The following ANGPT4 variants were observed in gnomAD, a reference collection of about 807,000 sequenced individuals.
ANGPT4 encodes angiopoietin 4.
A neutral mutation model predicts 53.0 loss-of-function variants in ANGPT4; 50 were observed. That is an observed-to-expected ratio of 0.94 (90% CI 0.75 to 1.20). ANGPT4 has a LOEUF of 1.20. Ranked by LOEUF, ANGPT4 falls within the 50% of genes most tolerant of loss-of-function variation. The probability of loss-of-function intolerance (pLI) is 0.00; values close to 1 mark genes in which losing one functional copy is unlikely to be tolerated. For missense variants in ANGPT4, 648 were observed against 637.1 expected, an observed-to-expected ratio of 1.02 and a Z score of -0.18; for synonymous variants, 251 against 259.7, an observed-to-expected ratio of 0.97 and a Z score of 0.32.
intron 1 of ANGPT4, among the ~76,000 whole-genome samples, chr20:913,594 A>T (rs1329327135): frequency 6.6e-6 from 1 of 152,204 alleles, no homozygotes; most frequent in Non-Finnish European, 1.5e-5. Flanking sequence ...CTGATCCTGC[A>T]AGCCATCAGT....
chr20:903,581 G>A (rs1982367546), intron 1 of ANGPT4, among the ~76,000 whole-genome samples: 1 of 152,192 alleles, frequency 6.6e-6, no homozygotes, highest in Non-Finnish European at 1.5e-5. Context: ...GGTCCCGTGT[G>A]GCTTAGAGAG....
At chr20:907,659 C>A (rs558762770) in intron 1 of ANGPT4, among the ~76,000 whole-genome samples, 12 of 152,316 alleles carry the variant, frequency 7.9e-5, no homozygotes, top group African/African-American at 2.6e-4. Context: ...AGACGAGGCA[C>A]AGAGAGGTTA....
chr20:890,089 G>A (rs1467256815), intron 2 of ANGPT4, 124 bp downstream of exon 2: 4 of 1,199,248 alleles, frequency 3.3e-6, no homozygotes, highest in East Asian at 2.5e-5. Flanking sequence ...GGACCCGGGG[G>A]GCTACAGGCC....
At chr20:905,319 C>T (rs529403766) in intron 1 of ANGPT4, among the ~76,000 whole-genome samples, 1 of 152,342 alleles carries the variant, frequency 6.6e-6, no homozygotes, top group Non-Finnish European at 1.5e-5. Flanking sequence ...AGCACATCCT[C>T]TATGCCTAGA....
chr20:900,639 TA>T (rs1372292061), intron 1 of ANGPT4, among the ~76,000 whole-genome samples: 1 of 152,124 alleles, frequency 6.6e-6, no homozygotes, highest in Non-Finnish European at 1.5e-5. Flanking sequence ...ATTATTAATA[TA>T]AAAAGACAGG....
intron 1 of ANGPT4, among the ~76,000 whole-genome samples, chr20:906,182 T>C (rs1982473410): frequency 1.3e-5 from 2 of 152,198 alleles, no homozygotes; most frequent in South Asian, 4.1e-4. Flanking sequence ...GCATTGTGTC[T>C]TCTGTCTTGC....
In ANGPT4 at chr20:879,770, G is replaced by T; in HGVS notation, c.1030C>A (p.Arg344=). The change falls in exon 6 of 9, where the codon CGG becomes AGG. Residue 344 remains arginine (R), a synonymous_variant. Transcript: ENST00000381922. The part of the protein sequence containing the change: ...RRENGTVNFQ[R]NWKDYKQGFG... The stretch of plus-strand genomic sequence containing the variant: ...ACCTGTTTGTAATCCTTCCAGTTCC[G>T]CTGAAAATTCACGGTGCCATTCTCA... 6.2e-7 allele frequency: 1 copy of T among 1,613,358 alleles called. No homozygotes were observed. The highest frequency in any genetic ancestry group is 8.5e-7 in the Non-Finnish European group (1 of 1,179,624).
rs1261518943 is a variant in ANGPT4 at position 871,917 on chromosome 20, T to C, written c.*1043A>G. On this transcript the variant is annotated 3_prime_UTR_variant, in exon 9 of 9. Coordinates refer to ENST00000381922, the MANE Select transcript of ANGPT4 (RefSeq NM_015985.4). Reference sequence around the variant, plus strand: ...TTTAGAGGTTGTTTGAGGCTGTCACTGTGGCCCTTGTAGCCAAAAAGGGTG... The same window carrying C: ...TTTAGAGGTTGTTTGAGGCTGTCACCGTGGCCCTTGTAGCCAAAAAGGGTG... 1 of 152,210 alleles carries C rather than the reference T, an allele frequency of 6.6e-6. No homozygotes were observed. Among genetic ancestry groups the C allele is most frequent in the Non-Finnish European group, 1.5e-5 (1 of 68,082 alleles). The allele number at this position is 152,210 out of a possible 1,614,324, so 9.4% of individuals were successfully genotyped here.
chr20:911,356 G>T lies in ANGPT4; in HGVS notation c.309+4550C>A, dbSNP rs972008006. ...CCTGACCCCTCTCTGCTTGGCTTTGGGTGCAGAGGAGGAAGAGAAAGAGGC... is the reference window on the plus strand; with the variant it reads ...CCTGACCCCTCTCTGCTTGGCTTTGTGTGCAGAGGAGGAAGAGAAAGAGGC... On this transcript the variant is annotated intron_variant, in intron 1 of 8. Transcript: ENST00000381922. The surrounding 1 kb of genome is among the most constrained non-coding windows in gnomAD (Gnocchi z 4.9). 2.0e-5 allele frequency among the ~76,000 whole-genome samples: 3 copies of T among 152,204 alleles called. No individual in the cohort carries two copies. The highest frequency in any genetic ancestry group is 7.2e-5 in the African/African-American group (3 of 41,464).
chr20:900,355 C>T (rs533452897), intron 1 of ANGPT4, among the ~76,000 whole-genome samples: 25 of 152,322 alleles, frequency 1.6e-4, no homozygotes, highest in Non-Finnish European at 1.8e-4. Flanking sequence ...CAACCTCTGA[C>T]GGCTGCCACC....
chr20:878,097 G>A (rs1197026905), intron 7 of ANGPT4, 64 bp downstream of exon 7: 7 of 1,522,458 alleles, frequency 4.6e-6, no homozygotes, highest in Non-Finnish European at 2.7e-6. Context: ...ACTAGCCTGG[G>A]GACCCCAGCC....
At position 912,276 on chromosome 20, in the gene ANGPT4, C is replaced by T. The variant is rs1185060367; in HGVS notation, c.309+3630G>A. On this transcript the variant is annotated intron_variant, in intron 1 of 8. Coordinates refer to ENST00000381922, the MANE Select transcript of ANGPT4 (RefSeq NM_015985.4). ...GTGTGCAGAGGCTTTCTCTGCTCTGCTTCTCTTGACCCCACATCAAAGGTC... is the reference window on the plus strand; with the variant it reads ...GTGTGCAGAGGCTTTCTCTGCTCTGTTTCTCTTGACCCCACATCAAAGGTC... Among the ~76,000 whole-genome samples the T allele has an allele frequency of 2.6e-5, 4 of 152,218 alleles. No homozygotes were observed. The East Asian group carries it at 7.7e-4, about 29-fold the overall frequency.
At chr20:901,055 C>T (rs548735989) in intron 1 of ANGPT4, among the ~76,000 whole-genome samples, 11 of 152,260 alleles carry the variant, frequency 7.2e-5, no homozygotes, top group Non-Finnish European at 1.3e-4. Flanking sequence ...CTCTAGGTTC[C>T]GACATTGCTC....
At position 874,249 on chromosome 20, in the gene ANGPT4, T is replaced by A. The variant is rs117215455; in HGVS notation, c.1351+35A>T. ...GGGAGTGTCAATCTGGGTGAGCCTGTGGGTGGGCGGAGCTTCACCCCACCC... is the reference window on the plus strand; with the variant it reads ...GGGAGTGTCAATCTGGGTGAGCCTGAGGGTGGGCGGAGCTTCACCCCACCC... On this transcript the variant is annotated intron_variant, in intron 8 of 8. Coordinates refer to ENST00000381922, the MANE Select transcript of ANGPT4 (RefSeq NM_015985.4). The A allele has an allele frequency of 5.2e-3, 8,426 of 1,612,016 alleles. 32 individuals are homozygous for A. The highest frequency in any genetic ancestry group is 6.3e-3 in the Non-Finnish European group (7,467 of 1,178,780).
intron 1 of ANGPT4, among the ~76,000 whole-genome samples, chr20:896,385 G>T (rs925215450): frequency 1.3e-5 from 2 of 152,196 alleles, no homozygotes. Context: ...GTATGATGGA[G>T]AAAGCCCCAC....
At chr20:901,778 G>A (rs936295903) in intron 1 of ANGPT4, among the ~76,000 whole-genome samples, 2 of 152,192 alleles carry the variant, frequency 1.3e-5, no homozygotes, top group Non-Finnish European at 1.5e-5. Flanking sequence ...AGCTGAAGGT[G>A]GTGGTGCATG....
Position 889,288 on chromosome 20 carries a change from ATGT to A in ANGPT4, c.466-852_466-850del, listed in dbSNP as rs527941098. 8.6e-4 allele frequency among the ~76,000 whole-genome samples: 131 copies of A among 152,080 alleles called. 1 individual carries two copies. In the South Asian group the frequency reaches 0.013, roughly 16 times the overall value. On this transcript the variant is annotated intron_variant, in intron 2 of 8. Coordinates refer to ENST00000381922, the MANE Select transcript of ANGPT4 (RefSeq NM_015985.4). ...ACATGTGTTGCTTAATGACGGAAAG[ATGT>A]TGTAAGAAAGTCGTCATCATGCAAT...
rs116327782 is a variant in ANGPT4 at position 915,931 on chromosome 20, T to C, written c.284A>G (p.Gln95Arg). ...CTTCTTCAGCCACTGCGTGTTGTTCTGCAGTGCCTGCTCCAGCTGTTTCAC... is the reference window on the plus strand; with the variant it reads ...CTTCTTCAGCCACTGCGTGTTGTTCCGCAGTGCCTGCTCCAGCTGTTTCAC... ...QQVKQLEQAL[Q>R]NNTQWLKKLE... Residue 95 changes from glutamine to arginine, a missense_variant, in exon 1 of 9, where the codon CAG becomes CGG. Transcript: ENST00000381922. The C allele has an allele frequency of 3.1e-3, 5,010 of 1,595,660 alleles. 144 individuals carry two copies. In the African/African-American group the frequency reaches 0.059, roughly 19 times the overall value.
intron 7 of ANGPT4, 63 bp from the exon 8 acceptor site, chr20:874,477 G>C: frequency 6.3e-7 from 1 of 1,593,540 alleles, no homozygotes; most frequent in Non-Finnish European, 8.6e-7. Context: ...GCTGTGTCGA[G>C]CAAGAACTTC....
Sources: gnomAD v4.1 joint callset for allele counts (sites outside exome capture counted in the v4.1 genomes callset) on GRCh38, gnomAD v4.1.1 for gene constraint, Gnocchi (gnomAD v3.1) non-coding constraint, MANE v1.5 for transcripts, NCBI Gene and HGNC (gene_info 2026-07-23, HGNC 2026-07-21) for gene names.